The following DDX25 variants were observed in gnomAD, a reference collection of about 807,000 sequenced individuals.
DDX25 encodes DEAD-box helicase 25.
A neutral mutation model predicts 64.6 loss-of-function variants in DDX25; 70 were observed. That is an observed-to-expected ratio of 1.08 (90% CI 0.89 to 1.32). DDX25 has a LOEUF of 1.32. Among genes scored for constraint, DDX25 ranks in the 40% most tolerant of loss-of-function variants. The probability of loss-of-function intolerance (pLI) is 0.00; values close to 1 mark genes in which losing one functional copy is unlikely to be tolerated. For synonymous variants in DDX25, 211 were observed against 213.3 expected (o/e 0.99, Z 0.09); for missense variants, 587 against 604.4 (o/e 0.97, Z 0.30).
chr11:125,921,137 G>A lies in DDX25; in HGVS notation c.1202-54G>A. The stretch of plus-strand genomic sequence containing the variant: ...CCTTGGCAGACGTGGTACTTGAATG[G>A]CCCGTGTACTGAGGAAAGCATTGCA... On this transcript the variant is annotated intron_variant, in intron 10 of 11. Coordinates refer to ENST00000263576, the MANE Select transcript of DDX25 (RefSeq NM_013264.5). The surrounding 1 kb of genome is among the most constrained non-coding windows in gnomAD (Gnocchi z 4.1). The A allele has an allele frequency of 4.6e-6, 7 of 1,512,686 alleles. 1 individual carries two copies. In the South Asian group the frequency reaches 7.5e-5, roughly 16 times the overall value. The allele number at this position is 1,512,686 out of a possible 1,614,324, so 93.7% of individuals were successfully genotyped here. A position where few individuals can be genotyped will look rare whatever the true frequency, so the allele number is the denominator to read the frequency against.
Position 125,917,243 on chromosome 11 carries a change from T to A in DDX25, c.1030T>A (p.Phe344Ile), listed in dbSNP as rs2134282170. ...GSITIGQAIIFCQTRRNAKWL... is the reference protein window; with the variant it reads ...GSITIGQAIIICQTRRNAKWL... Reference sequence around the variant, plus strand: ...CATCACCATTGGTCAGGCCATCATCTTCTGCCAGGTACACTCTGTGGATGT... The same window carrying A: ...CATCACCATTGGTCAGGCCATCATCATCTGCCAGGTACACTCTGTGGATGT... Residue 344 changes from phenylalanine to isoleucine, a missense_variant, in exon 9 of 12, where the codon TTC becomes ATC. Physicochemically the swap from Phe to Ile is conservative, Grantham distance 21. Coordinates refer to ENST00000263576, the MANE Select transcript of DDX25 (RefSeq NM_013264.5). 6.2e-7 allele frequency: 1 copy of A among 1,601,858 alleles called. No individual in the cohort carries two copies. Among genetic ancestry groups the A allele is most frequent in the Non-Finnish European group, 8.5e-7 (1 of 1,174,508 alleles).
chr11:125,910,362 A>T lies in DDX25; in HGVS notation c.508-2A>T. ...CTCCCCTCTTCTCTCTCTATCCCACAGTGCCTCTGCCTAGCTCCTACTTAT... is the reference window on the plus strand; with the variant it reads ...CTCCCCTCTTCTCTCTCTATCCCACTGTGCCTCTGCCTAGCTCCTACTTAT... On this transcript the variant is annotated splice_acceptor_variant, in intron 6 of 11. Transcript: ENST00000263576. LOFTEE classifies it high-confidence loss of function. The T allele has an allele frequency of 6.2e-7, 1 of 1,613,514 alleles. No individual in the cohort carries two copies. The highest frequency in any genetic ancestry group is 8.5e-7 in the Non-Finnish European group (1 of 1,179,526).
intron 6 of DDX25, among the ~76,000 whole-genome samples, chr11:125,910,023 A>G (rs920603799): frequency 3.3e-5 from 5 of 152,134 alleles, no homozygotes; most frequent in African/African-American, 1.2e-4. Flanking sequence ...TTTGCCTCGC[A>G]TTCATTGATT....
chr11:125,908,338 T>C, intron 5 of DDX25, 50 bp downstream of exon 5: 1 of 1,613,212 alleles, frequency 6.2e-7, no homozygotes, highest in East Asian at 2.2e-5. Flanking sequence ...TAGTTTCTTA[T>C]TTTCAGTTTA....
At chr11:125,916,591 TGTG>T (rs1945040455) in intron 8 of DDX25, among the ~76,000 whole-genome samples, 1 of 152,210 alleles carries the variant, frequency 6.6e-6, no homozygotes, top group Non-Finnish European at 1.5e-5. Context: ...TCAAGTTAGT[TGTG>T]GTTGTTCTTT....
At chr11:125,920,036 ACAAGGAGTG>A (rs1178709277) in intron 10 of DDX25, among the ~76,000 whole-genome samples, 19 of 152,338 alleles carry the variant, frequency 1.2e-4, no homozygotes, top group African/African-American at 4.6e-4. Context: ...AAGGCACAGT[ACAAGGAGTG>A]CAAGGATCCT....
At chr11:125,913,464 C>T (rs992908826) in intron 8 of DDX25, among the ~76,000 whole-genome samples, 6 of 152,012 alleles carry the variant, frequency 3.9e-5, no homozygotes, top group African/African-American at 1.2e-4. Flanking sequence ...ATAGTTTGCC[C>T]GGATAGGAAT....
chr11:125,910,761 T>C (rs1944955850), intron 7 of DDX25, among the ~76,000 whole-genome samples: 1 of 152,182 alleles, frequency 6.6e-6, no homozygotes, highest in South Asian at 2.1e-4. Flanking sequence ...CAGGACAGCT[T>C]TTATTTTTGG....
chr11:125,917,064 A>T lies in DDX25; in HGVS notation c.851A>T (p.Asp284Val). The T allele has an allele frequency of 6.2e-7, 1 of 1,609,174 alleles. No homozygotes were observed. Among genetic ancestry groups the T allele is most frequent in the Non-Finnish European group, 8.5e-7 (1 of 1,178,142 alleles). ...QMLLFSATFEDSVWHFAERII... is the reference protein window; with the variant it reads ...QMLLFSATFEVSVWHFAERII... Reference sequence around the variant, plus strand: ...CTCCTCTTTTCAGCAACCTTTGAGGACTCTGTGTGGCACTTTGCTGAGCGA... The same window carrying T: ...CTCCTCTTTTCAGCAACCTTTGAGGTCTCTGTGTGGCACTTTGCTGAGCGA... The change falls in exon 9 of 12, where the codon GAC becomes GTC. Residue 284 changes from aspartate to valine, a missense_variant. By Grantham distance (152) the Asp-to-Val change is radical. Coordinates refer to ENST00000263576, the MANE Select transcript of DDX25 (RefSeq NM_013264.5).
chr11:125,904,420 T>G, upstream of DDX25: 2 of 1,188,362 alleles, frequency 1.7e-6, no homozygotes, highest in Non-Finnish European at 2.2e-6. Flanking sequence ...CGCGGACGCC[T>G]GCCCCCTAAG....
At chr11:125,906,039 G>A (rs1410093802) in intron 3 of DDX25, 35 bp from the exon 4 acceptor site, 3 of 1,521,482 alleles carry the variant, frequency 2.0e-6, no homozygotes, top group Non-Finnish European at 2.6e-6. Context: ...CATTCAGGAA[G>A]CTTGATGTCC....
rs1945111497 is a variant in DDX25, at chr11:125,921,274, C to G, written c.1285C>G (p.Leu429Val). The part of the protein sequence containing the change: ...QGEEPDYETY[L>V]HRIGRTGRFG... ...AGAGGAGCCGGACTATGAGACCTAC[C>G]TCCACCGCATAGGGCGGACGGGGCG... is the stretch of plus-strand genomic sequence containing the variant. Residue 429 changes from leucine to valine, a missense_variant, in exon 11 of 12, where the codon CTC (leucine) becomes GTC (valine). Physicochemically the swap from Leu to Val is conservative, Grantham distance 32. Coordinates refer to ENST00000263576, the MANE Select transcript of DDX25 (RefSeq NM_013264.5). This position sits in a 1 kb window ranked among gnomAD's most constrained non-coding sequence, Gnocchi z 4.1. 2 of 1,613,292 alleles carry G rather than the reference C, an allele frequency of 1.2e-6. No individual in the cohort carries two copies. Among genetic ancestry groups the G allele is most frequent in the African/African-American group, 2.7e-5 (2 of 74,916 alleles).
chr11:125,911,122 A>G (rs1176747563), intron 7 of DDX25, among the ~76,000 whole-genome samples, 189 bp from the exon 8 acceptor site: 2 of 152,214 alleles, frequency 1.3e-5, no homozygotes, highest in African/African-American at 4.8e-5. Context: ...TTTCACAGTT[A>G]AGAAAAAGTC....
intron 1 of DDX25, 118 bp from the exon 2 acceptor site, chr11:125,905,094 A>G: frequency 3.5e-6 from 3 of 862,080 alleles, no homozygotes; most frequent in Non-Finnish European, 5.6e-6. Context: ...TAATATTGCA[A>G]AGGAAGCAAT....
At chr11:125,914,762 A>C (rs1240769017) in intron 8 of DDX25, among the ~76,000 whole-genome samples, 2 of 152,120 alleles carry the variant, frequency 1.3e-5, no homozygotes, top group African/African-American at 4.8e-5. Flanking sequence ...TCTGAGATGG[A>C]GTCTCACTGT....
rs1345851753 is a variant in DDX25 at position 125,909,785 on chromosome 11, G to C, written c.508-579G>C. 5.3e-5 allele frequency among the ~76,000 whole-genome samples: 8 copies of C among 152,088 alleles called. No individual in the cohort carries two copies. The East Asian group carries it at 1.5e-3, about 29-fold the overall frequency. Reference sequence around the variant, plus strand: ...CTGCCTCAGCCTCCCAAGTAGCTGGGATTACAGGCACCCGCCATCACGCCT... The same window carrying C: ...CTGCCTCAGCCTCCCAAGTAGCTGGCATTACAGGCACCCGCCATCACGCCT... On this transcript the variant is annotated intron_variant, in intron 6 of 11. Transcript: ENST00000263576.
intron 1 of DDX25, chr11:125,904,925 G>C (rs1169460954): frequency 1.8e-6 from 1 of 549,690 alleles, no homozygotes; most frequent in East Asian, 3.1e-5. Context: ...CACTTTCCTA[G>C]CCACCCTCCC....
rs1336965383 is a variant in DDX25, at chr11:125,927,732, A to C, written c.*4851A>C. 6.6e-6 allele frequency: 1 copy of C among 152,180 alleles called. No individual in the cohort carries two copies. The highest frequency in any genetic ancestry group is 1.5e-5 in the Non-Finnish European group (1 of 68,032). The allele number at this position is 152,180 out of a possible 1,614,324, so 9.4% of individuals were successfully genotyped here. On this transcript the variant is annotated 3_prime_UTR_variant, in exon 12 of 12. Transcript: ENST00000263576. The stretch of plus-strand genomic sequence containing the variant: ...TATAATGGCCTCAGGCATGATTTAG[A>C]AGGCACAGACTGAGCAGGCTGCTTT...
rs546281274 is a variant in DDX25, at chr11:125,927,274, C to G, written c.*4393C>G. On this transcript the variant is annotated 3_prime_UTR_variant, in exon 12 of 12. Coordinates refer to ENST00000263576, the MANE Select transcript of DDX25 (RefSeq NM_013264.5). ...TTTGGCAAACCCACGGAGGGGCCCA[C>G]AGGCCCATGTCTGGAACTGCCTGGC... The G allele has an allele frequency of 2.0e-5, 3 of 152,360 alleles. No individual in the cohort carries two copies. The highest frequency in any genetic ancestry group is 4.8e-5 in the African/African-American group (2 of 41,594). The allele number at this position is 152,360 out of a possible 1,614,324, so 9.4% of individuals were successfully genotyped here.
Sources: gnomAD v4.1 joint callset for allele counts (sites outside exome capture counted in the v4.1 genomes callset) on GRCh38, gnomAD v4.1.1 for gene constraint, Gnocchi (gnomAD v3.1) non-coding constraint, MANE v1.5 for transcripts, NCBI Gene and HGNC (gene_info 2026-07-23, HGNC 2026-07-21) for gene names.